MGRN1: variants seen among roughly 807,000 people sequenced by gnomAD.
MGRN1 encodes mahogunin ring finger 1, also known as E3 ubiquitin-protein ligase MGRN1.
In MGRN1, 29 loss-of-function variants were observed where a neutral mutation model predicts 69.2. That is an observed-to-expected ratio of 0.42 (90% CI 0.31 to 0.57). The LOEUF is 0.57. Among genes scored for constraint, MGRN1 ranks in the 20% least tolerant of loss-of-function variants. The pLI, the probability that MGRN1 is intolerant of heterozygous loss-of-function variation, is 0.15. For missense variants in MGRN1, 998 were observed against 796.2 expected (o/e 1.25, Z -3.05); for synonymous variants, 470 against 344.2 (o/e 1.37, Z -4.04).
Position 4,681,634 on chromosome 16 carries a change from C to T in MGRN1, c.1216C>T (p.Pro406Ser). 1 of 1,613,522 alleles carries T rather than the reference C, an allele frequency of 6.2e-7. No homozygotes were observed. Among genetic ancestry groups the T allele is most frequent in the Non-Finnish European group, 8.5e-7 (1 of 1,180,022 alleles). ...NGLRAVSPAI[P>S]SAPLYEEITY... ...CCTCCGGGCTGTCTCCCCGGCCATC[C>T]CCTCGGCCCCTCTTTATGAAGAAAT... Residue 406 changes from proline to serine, a missense_variant, in exon 13 of 17, where the codon CCC becomes TCC. Physicochemically the swap from Pro to Ser is moderately conservative, Grantham distance 74. Transcript: ENST00000262370.
At chr16:4,671,519 C>G (rs569947647) in intron 9 of MGRN1, 60 bp downstream of exon 9, 4 of 1,520,802 alleles carry the variant, frequency 2.6e-6, no homozygotes, top group Admixed American at 3.3e-5. Flanking sequence ...GGAGCAGCCG[C>G]GGACAGCAAT....
chr16:4,660,208 T>A (rs2078645608), intron 5 of MGRN1, among the ~76,000 whole-genome samples: 1 of 152,198 alleles, frequency 6.6e-6, no homozygotes, highest in Non-Finnish European at 1.5e-5. Flanking sequence ...TTCTGCCGCT[T>A]TTTCTCTCTA....
At chr16:4,639,340 C>A (rs952269257) in intron 1 of MGRN1, among the ~76,000 whole-genome samples, 1 of 152,088 alleles carries the variant, frequency 6.6e-6, no homozygotes, top group Admixed American at 6.6e-5. Context: ...CTGGCCTCAC[C>A]GCGGCATCCC....
chr16:4,638,870 C>T (rs1018982449), intron 1 of MGRN1, among the ~76,000 whole-genome samples: 1 of 152,204 alleles, frequency 6.6e-6, no homozygotes, highest in African/African-American at 2.4e-5. Flanking sequence ...TGAGGCAGCC[C>T]AGTGAAGTCC....
At position 4,688,743 on chromosome 16, in the gene MGRN1, G is replaced by T. The variant is rs1013006382; in HGVS notation, c.1619-53G>T. ...GGCTCCAGATCGGTAGGAGCGGGTG[G>T]CGTGGCACCAGGCATCCGAGTGTGA... On this transcript the variant is annotated intron_variant, in intron 16 of 16. Coordinates refer to ENST00000262370, the MANE Select transcript of MGRN1 (RefSeq NM_015246.4). 17 of 1,505,306 alleles carry T rather than the reference G, an allele frequency of 1.1e-5. No homozygotes were observed. The African/African-American group carries it at 2.1e-4, about 18-fold the overall frequency. 93.2% of individuals were successfully genotyped at this position (1,505,306 alleles called of 1,614,324 possible). A position where few individuals can be genotyped will look rare whatever the true frequency, so the allele number is the denominator to read the frequency against.
chr16:4,646,194 G>A (rs1318986476), intron 1 of MGRN1, among the ~76,000 whole-genome samples: 1 of 152,158 alleles, frequency 6.6e-6, no homozygotes. Context: ...ACTTTGGGAG[G>A]CAAAGGTGGG....
At chr16:4,642,204 C>T (rs184474563) in intron 1 of MGRN1, among the ~76,000 whole-genome samples, 1 of 150,598 alleles carries the variant, frequency 6.6e-6, no homozygotes, top group Admixed American at 6.6e-5. Flanking sequence ...GATTTCAGCT[C>T]GCTGCAACCT....
At position 4,674,637 on chromosome 16, in the gene MGRN1, T is replaced by TG. The variant is rs1275720684; in HGVS notation, c.955+980_955+981insG. 4.3e-5 allele frequency among the ~76,000 whole-genome samples: 5 copies of TG among 116,206 alleles called. No homozygotes were observed. In the East Asian group the frequency reaches 1.3e-3, roughly 30 times the overall value. 76.2% of individuals were successfully genotyped at this position (116,206 alleles called of 152,430 possible). On this transcript the variant is annotated intron_variant, in intron 10 of 16. Coordinates refer to ENST00000262370, the MANE Select transcript of MGRN1 (RefSeq NM_015246.4). Reference sequence around the variant, plus strand: ...TTTTCTTTTCTTTTCTTTTTTTTTTTTTTTTTTTTTTTTTGAGACGGAGTC... The same window carrying TG: ...TTTTCTTTTCTTTTCTTTTTTTTTTTGTTTTTTTTTTTTTTGAGACGGAGTC...
intron 16 of MGRN1, among the ~76,000 whole-genome samples, chr16:4,685,746 C>CT (rs2079297443): frequency 6.6e-6 from 1 of 152,252 alleles, no homozygotes; most frequent in African/African-American, 2.4e-5. Context: ...CCTTGACTGT[C>CT]TATCCGTGTC....
chr16:4,654,731 G>A (rs1183357865), intron 4 of MGRN1, among the ~76,000 whole-genome samples: 1 of 152,246 alleles, frequency 6.6e-6, no homozygotes, highest in Non-Finnish European at 1.5e-5. Flanking sequence ...AGCCCCTCGC[G>A]TGACAGGTGC....
chr16:4,665,410 G>A (rs1170391869), intron 7 of MGRN1, among the ~76,000 whole-genome samples: 1 of 151,502 alleles, frequency 6.6e-6, no homozygotes, highest in African/African-American at 2.4e-5. Context: ...TGTCACCCAG[G>A]CTGGAGTTCA....
chr16:4,644,044 C>G (rs1173234130), intron 1 of MGRN1, among the ~76,000 whole-genome samples: 1 of 151,950 alleles, frequency 6.6e-6, no homozygotes, highest in African/African-American at 2.4e-5. Flanking sequence ...GTGGTGCAAT[C>G]TCGGCTCCCT....
chr16:4,663,737 G>A (rs906577199), intron 5 of MGRN1, among the ~76,000 whole-genome samples: 2 of 152,194 alleles, frequency 1.3e-5, no homozygotes, highest in African/African-American at 2.4e-5. Flanking sequence ...AGAGAAGGAC[G>A]TGGCCTGTAG....
intron 7 of MGRN1, among the ~76,000 whole-genome samples, chr16:4,666,549 A>C (rs940644673): frequency 1.3e-5 from 2 of 152,162 alleles, no homozygotes; most frequent in African/African-American, 2.4e-5. Context: ...TCCCACAAGG[A>C]GGGCTGTCTG....
intron 13 of MGRN1, 21 bp downstream of exon 13, chr16:4,681,797 G>T: frequency 6.2e-7 from 1 of 1,602,324 alleles, no homozygotes; most frequent in African/African-American, 1.3e-5. Context: ...GCCAGGCCAG[G>T]TGCATGGCAG....
chr16:4,677,047 G>T (rs147535575), intron 10 of MGRN1: 1,941 of 159,810 alleles, frequency 0.012, 16 homozygotes, highest in Non-Finnish European at 0.02. Context: ...GTCCTGTCTC[G>T]GGTGCAGCCT....
At chr16:4,688,306 G>A (rs976400500) in intron 16 of MGRN1, 5 of 987,014 alleles carry the variant, frequency 5.1e-6, no homozygotes, top group South Asian at 9.4e-5. Flanking sequence ...GGGGCTCTGT[G>A]GGAGGCTCCT....
chr16:4,662,210 T>C (rs2078698708), intron 5 of MGRN1, among the ~76,000 whole-genome samples: 1 of 152,108 alleles, frequency 6.6e-6, no homozygotes, highest in African/African-American at 2.4e-5. Flanking sequence ...TTTCCCTCGG[T>C]TCCTTAAATA....
intron 7 of MGRN1, 142 bp from the exon 8 acceptor site, chr16:4,668,123 C>CT: frequency 1.5e-6 from 1 of 649,678 alleles, no homozygotes; most frequent in Non-Finnish European, 2.6e-6. Flanking sequence ...GTGGCCCCAC[C>CT]CTTTTTTTTT....
Sources: gnomAD v4.1 joint callset for allele counts (sites outside exome capture counted in the v4.1 genomes callset) on GRCh38, gnomAD v4.1.1 for gene constraint, MANE v1.5 for transcripts, NCBI Gene and HGNC (gene_info 2026-07-23, HGNC 2026-07-21) for gene names.